Variants in MDGA2 observed in about 807,000 individuals in gnomAD.
MDGA2 encodes the protein MAM domain containing glycosylphosphatidylinositol anchor 2.
MDGA2 carries 40 observed loss-of-function variants against 117.8 expected under a neutral mutation model. The observed-to-expected ratio is 0.34, with a 90% CI of 0.26 to 0.44. MDGA2 has a LOEUF of 0.44. MDGA2 is among the 20% of genes least tolerant of loss of function. The pLI, the probability that MDGA2 is intolerant of heterozygous loss-of-function variation, is 1.00. For synonymous variants in MDGA2, 452 were observed against 439.0 expected, an observed-to-expected ratio of 1.03 and a Z score of -0.37; for missense variants, 1,123 against 1,250.6, an observed-to-expected ratio of 0.90 and a Z score of 1.54.
chr14:47,508,424 T>C (rs1442038632), intron 1 of MDGA2, among the ~76,000 whole-genome samples: 1 of 151,696 alleles, frequency 6.6e-6, no homozygotes, highest in African/African-American at 2.4e-5. Context: ...TCTGAATTTT[T>C]AAAAATATGA....
chr14:47,216,472 G>A (rs893284391), intron 3 of MDGA2, among the ~76,000 whole-genome samples: 10 of 152,054 alleles, frequency 6.6e-5, no homozygotes, highest in Non-Finnish European at 2.9e-5. Flanking sequence ...GGTAAATAAA[G>A]AGTGTAAAGC....
intron 1 of MDGA2, among the ~76,000 whole-genome samples, chr14:47,359,435 T>C (rs952585519): frequency 5.9e-5 from 9 of 151,562 alleles, no homozygotes; most frequent in South Asian, 2.1e-4. Context: ...TGTGCTGCCA[T>C]AAAAACCAAC....
chr14:47,530,185 C>T (rs961927480), intron 1 of MDGA2, among the ~76,000 whole-genome samples: 3 of 152,178 alleles, frequency 2.0e-5, no homozygotes, highest in Admixed American at 2.0e-4. Context: ...TAAACAGATG[C>T]ATGAGGGGCG....
chr14:46,985,125 A>C (rs1037260011), intron 8 of MDGA2, among the ~76,000 whole-genome samples: 1 of 152,040 alleles, frequency 6.6e-6, no homozygotes, highest in Non-Finnish European at 1.5e-5. Context: ...ACTAGGACCA[A>C]ACTACTGACC....
At chr14:46,958,897 A>G (rs1954231) in intron 8 of MDGA2, among the ~76,000 whole-genome samples, 60,858 of 152,034 alleles carry the variant, frequency 0.4, 15,907 homozygotes, top group African/African-American at 0.74. Flanking sequence ...GGGTGTGCCC[A>G]CTAAGAAGGA....
chr14:47,248,566 G>GT (rs1268264373), intron 2 of MDGA2, among the ~76,000 whole-genome samples: 2 of 146,402 alleles, frequency 1.4e-5, no homozygotes, highest in Non-Finnish European at 3.1e-5. Flanking sequence ...AACTTATACG[G>GT]TTTTATAGTA....
chr14:46,946,739 G>A (rs1885183518), intron 9 of MDGA2, among the ~76,000 whole-genome samples: 1 of 151,996 alleles, frequency 6.6e-6, no homozygotes, highest in Non-Finnish European at 1.5e-5. Flanking sequence ...CCAGAGAAGA[G>A]GATTCCAAAA....
chr14:47,489,702 T>C (rs572599017), intron 1 of MDGA2, among the ~76,000 whole-genome samples: 2 of 152,190 alleles, frequency 1.3e-5, no homozygotes, highest in East Asian at 3.9e-4. Flanking sequence ...CACCATCTTA[T>C]AAAGGGAAAA....
intron 2 of MDGA2, among the ~76,000 whole-genome samples, chr14:47,232,218 G>A (rs1204835678): frequency 6.6e-6 from 1 of 152,060 alleles, no homozygotes; most frequent in Admixed American, 6.6e-5. Flanking sequence ...GTTTTTGTTG[G>A]TGCAAATCAC....
chr14:46,961,484 T>C (rs1051926797), intron 8 of MDGA2, among the ~76,000 whole-genome samples: 1 of 152,196 alleles, frequency 6.6e-6, no homozygotes, highest in Non-Finnish European at 1.5e-5. Flanking sequence ...AAAATATATA[T>C]TGTGTATTAA....
intron 1 of MDGA2, among the ~76,000 whole-genome samples, chr14:47,374,957 A>G (rs1891443711): frequency 6.6e-6 from 1 of 151,900 alleles, no homozygotes; most frequent in African/African-American, 2.4e-5. Context: ...TATTTCAAAG[A>G]TTTTTTTCAG....
chr14:47,350,603 G>A (rs559837895), intron 1 of MDGA2, among the ~76,000 whole-genome samples: 3 of 152,308 alleles, frequency 2.0e-5, no homozygotes, highest in Admixed American at 6.5e-5. Context: ...ACACGTGGGA[G>A]TGTAAGACAA....
intron 1 of MDGA2, among the ~76,000 whole-genome samples, chr14:47,561,289 G>A (rs1895812031): frequency 1.3e-5 from 2 of 151,488 alleles, no homozygotes; most frequent in South Asian, 4.2e-4. Context: ...TAGTTTTACA[G>A]AAATAGCATT....
chr14:46,895,632 A>G (rs1467117858), intron 10 of MDGA2, among the ~76,000 whole-genome samples: 1 of 152,038 alleles, frequency 6.6e-6, no homozygotes, highest in Non-Finnish European at 1.5e-5. Flanking sequence ...AGGCTGAGGC[A>G]GGAGAATTAG....
At chr14:47,511,074 A>G (rs1460103670) in intron 1 of MDGA2, among the ~76,000 whole-genome samples, 1 of 151,772 alleles carries the variant, frequency 6.6e-6, no homozygotes, top group Non-Finnish European at 1.5e-5. Context: ...GTGTCTACCA[A>G]CCGACCTACA....
At chr14:47,465,758 T>TA (rs1893590614) in intron 1 of MDGA2, among the ~76,000 whole-genome samples, 1 of 152,116 alleles carries the variant, frequency 6.6e-6, no homozygotes, top group Admixed American at 6.6e-5. Flanking sequence ...AACCATTGTG[T>TA]AAAGCAGGAT....
At chr14:46,998,346 T>A (rs957299062) in intron 8 of MDGA2, among the ~76,000 whole-genome samples, 1 of 152,058 alleles carries the variant, frequency 6.6e-6, no homozygotes, top group African/African-American at 2.4e-5. Context: ...CCAAGTCAAC[T>A]GTAAGAAGGG....
chr14:47,399,756 T>C (rs1892094656), intron 1 of MDGA2, among the ~76,000 whole-genome samples: 1 of 64,970 alleles, frequency 1.5e-5, no homozygotes, highest in South Asian at 4.9e-4. Context: ...ATCATGTCTG[T>C]TTTTTTGTTA....
At chr14:47,050,466 G>C (rs146011558) in intron 7 of MDGA2, among the ~76,000 whole-genome samples, 5 of 151,942 alleles carry the variant, frequency 3.3e-5, no homozygotes, top group Non-Finnish European at 7.4e-5. Flanking sequence ...GTTGACATGG[G>C]TGTTCACAAA....
Sources: allele counts gnomAD v4.1 joint callset (sites outside exome capture counted in the v4.1 genomes callset), GRCh38; gene constraint gnomAD v4.1.1; transcripts MANE v1.5; gene names NCBI Gene and HGNC (gene_info 2026-07-23, HGNC 2026-07-21).